The following NBPF20 variants were observed in gnomAD, a reference collection of about 807,000 sequenced individuals.
The protein encoded by NBPF20 is NBPF member 20, also known as NBPF family member NBPF20.
NBPF20 carries 90 observed loss-of-function variants against 68.1 expected under a neutral mutation model. The ratio of observed to expected loss-of-function variants is 1.32; its 90% CI spans 1.11 to 1.58. The LOEUF (loss-of-function observed/expected upper bound fraction) is 1.58, where lower values mean the gene tolerates loss of function less well. Ranked by LOEUF, NBPF20 falls within the 40% of genes most tolerant of loss-of-function variation. NBPF20 has a pLI of 0.00. For missense variants in NBPF20, 816 were observed against 601.2 expected (o/e 1.36, Z -3.74); for synonymous variants, 290 against 228.1 (o/e 1.27, Z -2.45).
chr1:145,393,805 C>T, intron 9 of NBPF20, 79 bp downstream of exon 14: 9 of 1,269,310 alleles, frequency 7.1e-6, no homozygotes, highest in Non-Finnish European at 1.0e-5. Context: ...TCATTATTTT[C>T]AGCATGTACT....
At position 145,291,820 on chromosome 1, in the gene NBPF20, C is replaced by A. The variant is rs201603097; in HGVS notation, c.16698-51G>T. The A allele has an allele frequency of 7.4e-6, 12 of 1,611,544 alleles. No homozygotes were observed. The Admixed American group carries it at 1.2e-4, about 16-fold the overall frequency. On this transcript the variant is annotated intron_variant, in intron 137 of 137. Coordinates refer to ENST00000369373, the Ensembl canonical transcript of NBPF20. ...AGCAGCCAGGGAAAATCAGAAACCACAGAGCCCCACTAGATTTCAGAAGTC... is the reference window on the plus strand; with the variant it reads ...AGCAGCCAGGGAAAATCAGAAACCAAAGAGCCCCACTAGATTTCAGAAGTC...
intron 10 of NBPF20, 151 bp downstream of exon 15, chr1:145,392,923 G>A (rs1661979035): frequency 8.0e-6 from 3 of 373,330 alleles, no homozygotes; most frequent in Non-Finnish European, 8.9e-6. Context: ...GCTTCCAAGT[G>A]GAACTAGAGT....
At chr1:145,421,760 G>A in the NBPF20 span, among the ~76,000 whole-genome samples, 1 of 152,124 alleles carries the variant, frequency 6.6e-6, no homozygotes, top group Non-Finnish European at 1.5e-5. Context: ...AACTAAAATG[G>A]CCAGCGGTGA....
intron 2 of NBPF20, among the ~76,000 whole-genome samples, chr1:145,404,143 A>T (rs1662656543): frequency 6.8e-6 from 1 of 146,632 alleles, no homozygotes; most frequent in South Asian, 2.3e-4. Flanking sequence ...GCTTCCACAC[A>T]TTCTCGGGTG....
At chr1:145,422,630 C>T in the NBPF20 span, among the ~76,000 whole-genome samples, 4 of 152,036 alleles carry the variant, frequency 2.6e-5, 1 homozygote, top group East Asian at 7.8e-4. Context: ...CCAAACAGTG[C>T]AGAAGGAAAA....
chr1:145,417,225 C>A, the NBPF20 span, among the ~76,000 whole-genome samples: 3 of 151,102 alleles, frequency 2.0e-5, no homozygotes, highest in South Asian at 2.1e-4. Flanking sequence ...GCAAAGATAG[C>A]CTTTCCAACT....
upstream of NBPF20, among the ~76,000 whole-genome samples, chr1:145,409,763 T>C (rs587629350): frequency 8.5e-5 from 13 of 152,058 alleles, no homozygotes; most frequent in African/African-American, 2.9e-4. Flanking sequence ...CTCAGACTTA[T>C]AGATTAAAAG....
chr1:145,311,349 A>T (rs1661473349), intron 113 of NBPF20, 88 bp downstream of exon 118: 2 of 238,730 alleles, frequency 8.4e-6, no homozygotes, highest in South Asian at 5.1e-5. Flanking sequence ...CGTTGAAAAC[A>T]TGAAATTGAA....
At chr1:145,422,013 G>A in the NBPF20 span, among the ~76,000 whole-genome samples, 1 of 151,982 alleles carries the variant, frequency 6.6e-6, no homozygotes, top group Non-Finnish European at 1.5e-5. Flanking sequence ...ACTCCAGCCT[G>A]GGAAACAGAG....
chr1:145,372,492 C>G lies in NBPF20; in HGVS notation c.4369+20G>C. ...GGAAGACCAGGTGGAGGCTTATCACCTTCACAGTAAGATACTCACTGTCCA... is the reference window on the plus strand; with the variant it reads ...GGAAGACCAGGTGGAGGCTTATCACGTTCACAGTAAGATACTCACTGTCCA... On this transcript the variant is annotated intron_variant, in intron 36 of 137. Coordinates refer to ENST00000369373, the Ensembl canonical transcript of NBPF20. 4.0e-6 allele frequency: 2 copies of G among 503,758 alleles called. No individual in the cohort carries two copies. The highest frequency in any genetic ancestry group is 6.7e-6 in the Non-Finnish European group (2 of 298,480). 31.2% of individuals were successfully genotyped at this position (503,758 alleles called of 1,614,324 possible).
intron 9 of NBPF20, 56 bp downstream of exon 14, chr1:145,393,828 C>T: frequency 1.6e-6 from 2 of 1,267,792 alleles, no homozygotes; most frequent in South Asian, 1.2e-5. Flanking sequence ...TTTCCCTGGA[C>T]TTGGCATCTC....
chr1:145,405,501 A>T, exon 1 of NBPF20: 1 of 1,499,672 alleles, frequency 6.7e-7, no homozygotes, highest in Non-Finnish European at 8.9e-7. Context: ...AGCTGAAAGC[A>T]CTGCCAGTAG....
chr1:145,298,331 GACACACAC>G (rs1347470195), intron 129 of NBPF20, among the ~76,000 whole-genome samples, 197 bp from the exon 135 acceptor site: 1 of 136,758 alleles, frequency 7.3e-6, no homozygotes, highest in African/African-American at 3.3e-5. Flanking sequence ...AAGACAGATA[GACACACAC>G]ACACACACAC....
chr1:145,400,228 T>G (rs523083), intron 6 of NBPF20, among the ~76,000 whole-genome samples, 161 bp downstream of exon 11: 1,616 of 152,240 alleles, frequency 0.011, 20 homozygotes, highest in Admixed American at 0.017. Flanking sequence ...GCAGACAAAG[T>G]CATGACATTA....
chr1:145,377,933 T>G, intron 29 of NBPF20, 110 bp downstream of exon 34: 6 of 398,138 alleles, frequency 1.5e-5, no homozygotes, highest in South Asian at 2.3e-5. Context: ...TCAGGAGGAG[T>G]AATTCAACCT....
chr1:145,291,629 T>C (rs782210528), exon 138 of NBPF20: 2 of 1,611,852 alleles, frequency 1.2e-6, no homozygotes, highest in African/African-American at 1.3e-5. Context: ...GATGTGCTGT[T>C]CCTCAAATGA....
chr1:145,395,328 G>T (rs1220909714), intron 7 of NBPF20, among the ~76,000 whole-genome samples, 187 bp from the exon 13 acceptor site: 2 of 146,606 alleles, frequency 1.4e-5, no homozygotes, highest in African/African-American at 5.2e-5. Context: ...TGGGGACAGA[G>T]CAAAAATGGG....
upstream of NBPF20, chr1:145,405,814 A>G (rs1300568212): frequency 1.5e-5 from 4 of 258,644 alleles, no homozygotes; most frequent in Non-Finnish European, 2.9e-5. Context: ...GTACAACATC[A>G]TCAAGGCAGA....
At chr1:145,403,490 G>T (rs1553666038) in intron 2 of NBPF20, among the ~76,000 whole-genome samples, 172 bp from the exon 8 acceptor site, 54 of 149,164 alleles carry the variant, frequency 3.6e-4, no homozygotes, top group African/African-American at 9.6e-4. Context: ...TCTGGCATCT[G>T]ATCCTCCAAA....
Sources: gnomAD v4.1 joint callset for allele counts (sites outside exome capture counted in the v4.1 genomes callset) on GRCh38, gnomAD v4.1.1 for gene constraint, MANE v1.5 for transcripts, NCBI Gene and HGNC (gene_info 2026-07-23, HGNC 2026-07-21) for gene names.